The following ADAMTSL1 variants were observed in gnomAD, a reference collection of about 807,000 sequenced individuals.
ADAMTSL1 encodes ADAMTS like 1, also known as ADAMTS-like protein 1.
A neutral mutation model predicts 201.8 loss-of-function variants in ADAMTSL1; 126 were observed. The observed-to-expected ratio is 0.62, with a 90% confidence interval of 0.54 to 0.72. The LOEUF is 0.72. ADAMTSL1 is among the 30% of genes least tolerant of loss of function. The pLI, the probability that ADAMTSL1 is intolerant of heterozygous loss-of-function variation, is 0.00. For missense variants in ADAMTSL1, 2,679 were observed against 2,277.8 expected, an observed-to-expected ratio of 1.18 and a Z score of -3.59; for synonymous variants, 1,121 against 903.4, an observed-to-expected ratio of 1.24 and a Z score of -4.32.
At chr9:18,283,336 G>T (rs573565732) in intron 2 of ADAMTSL1, among the ~76,000 whole-genome samples, 1 of 152,072 alleles carries the variant, frequency 6.6e-6, no homozygotes, top group African/African-American at 2.4e-5. Context: ...CAGGTGTAGT[G>T]GTTCATGACT....
In ADAMTSL1 at chr9:17,981,091, C is replaced by G. The variant is rs1386150145; in HGVS notation, c.87+74169C>G. Among the ~76,000 whole-genome samples, 3 of 152,216 alleles carry G rather than the reference C, an allele frequency of 2.0e-5. No individual in the cohort carries two copies. The South Asian group carries it at 6.2e-4, about 31-fold the overall frequency. On this transcript the variant is annotated intron_variant, in intron 1 of 29. Coordinates refer to the ADAMTSL1 transcript ENST00000680146. The stretch of plus-strand genomic sequence containing the variant: ...AGATACTTCCCGTTAGGTCCTACTT[C>G]TAACATTGGGGCTCAAAGTTCAACA...
chr9:18,464,040 C>G (rs368364596), intron 2 of ADAMTSL1, among the ~76,000 whole-genome samples: 2 of 152,178 alleles, frequency 1.3e-5, no homozygotes, highest in African/African-American at 4.8e-5. Flanking sequence ...GCACTGCCTT[C>G]CAGGCTGTCT....
chr9:17,924,321 C>G (rs1428659608), intron 1 of ADAMTSL1, among the ~76,000 whole-genome samples: 1 of 152,060 alleles, frequency 6.6e-6, no homozygotes, highest in African/African-American at 2.4e-5. Context: ...TTGGTCTATT[C>G]AGAGATTCAA....
At chr9:18,412,300 G>T (rs1818477221) in intron 2 of ADAMTSL1, among the ~76,000 whole-genome samples, 1 of 152,196 alleles carries the variant, frequency 6.6e-6, no homozygotes, top group African/African-American at 2.4e-5. Context: ...CACTGGTGAT[G>T]TTAAGATTAA....
intron 2 of ADAMTSL1, among the ~76,000 whole-genome samples, chr9:18,314,782 C>CTTTTTTTTTTTTTTTTTTTTTT (rs776046209): frequency 2.0e-5 from 1 of 49,852 alleles, no homozygotes; most frequent in Admixed American, 3.1e-4. Flanking sequence ...CGGCAGCGTG[C>CTTTTTTTTTTTTTTTTTTTTTT]TTTTTTTTTT....
intron 2 of ADAMTSL1, among the ~76,000 whole-genome samples, chr9:18,233,881 A>G (rs1238669953): frequency 6.6e-6 from 1 of 152,228 alleles, no homozygotes; most frequent in Non-Finnish European, 1.5e-5. Flanking sequence ...AGTATGGTGC[A>G]GAGATTTGAC....
intron 2 of ADAMTSL1, among the ~76,000 whole-genome samples, chr9:18,397,038 G>A (rs181127609): frequency 1.5e-4 from 22 of 145,660 alleles, no homozygotes; most frequent in African/African-American, 2.3e-4. Context: ...TCTCTGTGCC[G>A]TGCTATTCAC....
chr9:17,972,631 C>T (rs1464562589), intron 1 of ADAMTSL1, among the ~76,000 whole-genome samples: 4 of 151,756 alleles, frequency 2.6e-5, no homozygotes, highest in Non-Finnish European at 4.4e-5. Context: ...CATACATGTG[C>T]ATGTGTCTTT....
At chr9:18,205,421 C>G (rs1310853229) in intron 2 of ADAMTSL1, among the ~76,000 whole-genome samples, 18 of 151,896 alleles carry the variant, frequency 1.2e-4, no homozygotes, top group Admixed American at 1.2e-3. Flanking sequence ...GTTATCATTA[C>G]TTTAAAATAA....
At chr9:18,549,836 A>G (rs907751906) in intron 3 of ADAMTSL1, among the ~76,000 whole-genome samples, 6 of 151,994 alleles carry the variant, frequency 3.9e-5, no homozygotes, top group Non-Finnish European at 8.8e-5. Flanking sequence ...CTCAAAAAGT[A>G]ATCTGGGGTC....
chr9:17,913,176 T>C (rs201094117), intron 1 of ADAMTSL1, among the ~76,000 whole-genome samples: 8 of 152,234 alleles, frequency 5.3e-5, no homozygotes, highest in East Asian at 3.9e-4. Context: ...CTTGGCAATG[T>C]GGGCTCTTTT....
chr9:18,583,198 G>A (rs896748305), intron 4 of ADAMTSL1, among the ~76,000 whole-genome samples: 8 of 152,172 alleles, frequency 5.3e-5, no homozygotes, highest in Admixed American at 2.0e-4. Context: ...AAGTGGTTTC[G>A]TGGGCCGGGC....
At chr9:17,951,623 T>C (rs1827730799) in intron 1 of ADAMTSL1, among the ~76,000 whole-genome samples, 1 of 149,426 alleles carries the variant, frequency 6.7e-6, no homozygotes, top group Admixed American at 6.6e-5. Flanking sequence ...TCATAACCAT[T>C]ACTCTTTTTT....
Position 18,770,615 on chromosome 9 carries a change from G to C in ADAMTSL1, c.2231G>C (p.Cys744Ser), listed in dbSNP as rs770800017. 7 of 1,612,482 alleles carry C rather than the reference G, an allele frequency of 4.3e-6. No individual in the cohort carries two copies. The South Asian group carries it at 5.5e-5, about 13-fold the overall frequency. Residue 744 changes from cysteine (C) to serine (S), a missense_variant, in exon 17 of 29, where the codon TGT becomes TCT. Cys to Ser is a moderately radical substitution (Grantham distance 112). Coordinates refer to ENST00000380548, the MANE Select transcript of ADAMTSL1 (RefSeq NM_001040272.6). ...TTCTTTCCCCAGTGTTCCAGAACGTGTGGCGGGGGTGTTCAGAAACGTGAG... is the reference window on the plus strand; with the variant it reads ...TTCTTTCCCCAGTGTTCCAGAACGTCTGGCGGGGGTGTTCAGAAACGTGAG... ...PAQWQPCSRTCGGGVQKREVL... is the reference protein window; with the variant it reads ...PAQWQPCSRTSGGGVQKREVL...
In ADAMTSL1 at chr9:18,335,661, A is replaced by G. The variant is rs200062421; in HGVS notation, c.208-169168A>G. Among the ~76,000 whole-genome samples, 45 of 152,292 alleles carry G rather than the reference A, an allele frequency of 3.0e-4. No individual in the cohort carries two copies. In the East Asian group the frequency reaches 6.6e-3, roughly 22 times the overall value. ...CTCATAGCTTTCCCACTTTAGAACCAGGTACTCCAAAAATAAATCTTCAAA... is the reference window on the plus strand; with the variant it reads ...CTCATAGCTTTCCCACTTTAGAACCGGGTACTCCAAAAATAAATCTTCAAA... On this transcript the variant is annotated intron_variant, in intron 2 of 29. Transcript: ENST00000680146.
At chr9:18,374,914 C>T (rs1837217596) in intron 2 of ADAMTSL1, among the ~76,000 whole-genome samples, 1 of 152,224 alleles carries the variant, frequency 6.6e-6, no homozygotes, top group Admixed American at 6.5e-5. Context: ...ATGAATGGAG[C>T]TGACAATGGT....
At chr9:18,717,604 T>C (rs1012799526) in intron 14 of ADAMTSL1, among the ~76,000 whole-genome samples, 1 of 152,204 alleles carries the variant, frequency 6.6e-6, no homozygotes, top group Non-Finnish European at 1.5e-5. Flanking sequence ...GTGGTGCTTT[T>C]AGGATTTACA....
At chr9:18,275,175 A>G (rs1832537812) in intron 2 of ADAMTSL1, among the ~76,000 whole-genome samples, 1 of 152,162 alleles carries the variant, frequency 6.6e-6, no homozygotes, top group South Asian at 2.1e-4. Flanking sequence ...ACTAATTTCA[A>G]AAGACCTCTT....
intron 2 of ADAMTSL1, among the ~76,000 whole-genome samples, chr9:18,200,331 T>C (rs1829386336): frequency 6.6e-6 from 1 of 152,092 alleles, no homozygotes; most frequent in Non-Finnish European, 1.5e-5. Flanking sequence ...ATGTTTTGCT[T>C]TGATTATTAT....
Sources: gnomAD v4.1 joint callset for allele counts (sites outside exome capture counted in the v4.1 genomes callset) on GRCh38, gnomAD v4.1.1 for gene constraint, MANE v1.5 for transcripts, NCBI Gene and HGNC (gene_info 2026-07-23, HGNC 2026-07-21) for gene names.